MYO5A: variants seen among roughly 807,000 people sequenced by gnomAD.
MYO5A encodes myosin VA.
MYO5A carries 98 observed loss-of-function variants against 249.7 expected under a neutral mutation model. The observed-to-expected ratio is 0.39, with a 90% confidence interval of 0.33 to 0.46. The LOEUF (loss-of-function observed/expected upper bound fraction) is 0.46. Among genes scored for constraint, MYO5A ranks in the 20% least tolerant of loss-of-function variants. The pLI, the probability that MYO5A is intolerant of heterozygous loss-of-function variation, is 0.98. For synonymous variants in MYO5A, 778 were observed against 810.6 expected, an observed-to-expected ratio of 0.96 and a Z score of 0.68; for missense variants, 1,696 against 2,308.8, an observed-to-expected ratio of 0.73 and a Z score of 5.44.
chr15:52,373,170 A>T (rs1299591725), intron 20 of MYO5A, among the ~76,000 whole-genome samples: 1 of 151,182 alleles, frequency 6.6e-6, no homozygotes, highest in East Asian at 1.9e-4. Flanking sequence ...TACATTTCCT[A>T]AAAAAAAATG....
chr15:52,516,395 A>C (rs983531554), intron 1 of MYO5A, among the ~76,000 whole-genome samples: 3 of 152,260 alleles, frequency 2.0e-5, no homozygotes, highest in African/African-American at 7.2e-5. Flanking sequence ...CTTTACAAGA[A>C]AACAAGTAAC....
chr15:52,330,353 C>T lies in MYO5A; in HGVS notation c.4555G>A (p.Glu1519Lys). ...TTTATCCAATGCAGAAAATACTTGC[C>T]CAGAATCAGGTTCTTAACAAGTTTT... Reference protein sequence around the residue: ...EQKLVKNLILELKPRGVAVNL... With the variant: ...EQKLVKNLILKLKPRGVAVNL... The change falls in exon 35 of 42, where the codon GAA becomes AAA. Residue 1519 changes from glutamate (E) to lysine (K), a missense_variant and splice_region_variant. Physicochemically the swap from Glu to Lys is moderately conservative, Grantham distance 56 (BLOSUM62 1). Transcript: ENST00000399233. 1 of 1,613,946 alleles carries T rather than the reference C, an allele frequency of 6.2e-7. No individual in the cohort carries two copies. Among genetic ancestry groups the T allele is most frequent in the Non-Finnish European group, 8.5e-7 (1 of 1,179,944 alleles).
chr15:52,326,008 T>C (rs1295227441), intron 36 of MYO5A, among the ~76,000 whole-genome samples: 1 of 152,212 alleles, frequency 6.6e-6, no homozygotes, highest in African/African-American at 2.4e-5. Context: ...TTTGATTTAT[T>C]AGAAATGATC....
At chr15:52,507,888 T>C (rs1000088166) in intron 1 of MYO5A, among the ~76,000 whole-genome samples, 1 of 151,346 alleles carries the variant, frequency 6.6e-6, no homozygotes, top group African/African-American at 2.4e-5. Flanking sequence ...TTTTTATAAA[T>C]TATTTAAAAT....
intron 1 of MYO5A, chr15:52,435,661 T>C (rs759776960): frequency 1.1e-5 from 5 of 455,508 alleles, no homozygotes; most frequent in African/African-American, 2.0e-5. Flanking sequence ...TCCAAACTAC[T>C]AGATTTCATG....
At chr15:52,445,251 A>G (rs944756232) in intron 1 of MYO5A, among the ~76,000 whole-genome samples, 4 of 152,052 alleles carry the variant, frequency 2.6e-5, no homozygotes, top group African/African-American at 9.7e-5. Flanking sequence ...AATGTGTTGC[A>G]ACCTCCGCCC....
chr15:52,330,194 G>A (rs754119569), intron 35 of MYO5A, among the ~76,000 whole-genome samples, 159 bp downstream of exon 35: 1 of 152,054 alleles, frequency 6.6e-6, no homozygotes, highest in Non-Finnish European at 1.5e-5. Context: ...GACTGAAAGT[G>A]CTTGGTGTGG....
chr15:52,381,584 T>G (rs1269582735), intron 16 of MYO5A, among the ~76,000 whole-genome samples: 1 of 152,178 alleles, frequency 6.6e-6, no homozygotes. Flanking sequence ...TTGGAACAAC[T>G]TAAATGGCCA....
intron 9 of MYO5A, 40 bp from the exon 10 acceptor site, chr15:52,397,506 A>C (rs1423923284): frequency 6.2e-7 from 1 of 1,604,114 alleles, no homozygotes; most frequent in Non-Finnish European, 8.5e-7. Context: ...GACCAGATAA[A>C]TCAAGTAAGA....
At chr15:52,489,615 T>G (rs1223071396) in intron 1 of MYO5A, among the ~76,000 whole-genome samples, 2 of 139,878 alleles carry the variant, frequency 1.4e-5, no homozygotes, top group Non-Finnish European at 3.1e-5. Flanking sequence ...ATCAACAGAG[T>G]GAAAAGGAAA....
At chr15:52,504,733 T>C (rs556008046) in intron 1 of MYO5A, among the ~76,000 whole-genome samples, 4 of 151,728 alleles carry the variant, frequency 2.6e-5, no homozygotes, top group Non-Finnish European at 4.4e-5. Context: ...CTACTAAAAA[T>C]ACAAAAATTA....
chr15:52,405,163 T>C (rs1430813585), intron 9 of MYO5A, 124 bp downstream of exon 9: 3 of 767,640 alleles, frequency 3.9e-6, no homozygotes, highest in Non-Finnish European at 6.8e-6. Context: ...ATAACATATG[T>C]CTTTGATAAT....
At position 52,328,015 on chromosome 15, in the gene MYO5A, G is replaced by A; in HGVS notation, c.4556-9C>T. The A allele has an allele frequency of 1.2e-6, 2 of 1,606,774 alleles. No homozygotes were observed. Among genetic ancestry groups the A allele is most frequent in the South Asian group, 1.1e-5 (1 of 90,276 alleles). ...ACCACGTGGCTTCAGTTCTAAAAAAGAAAAAATAATAATTTTATATAACAT... is the reference window on the plus strand; with the variant it reads ...ACCACGTGGCTTCAGTTCTAAAAAAAAAAAAATAATAATTTTATATAACAT... On this transcript the variant is annotated splice_polypyrimidine_tract_variant and intron_variant, in intron 35 of 41. Coordinates refer to ENST00000399233, the MANE Select transcript of MYO5A (RefSeq NM_001382347.1).
At chr15:52,468,759 T>G (rs1263867565) in intron 1 of MYO5A, among the ~76,000 whole-genome samples, 1 of 152,130 alleles carries the variant, frequency 6.6e-6, no homozygotes, top group Non-Finnish European at 1.5e-5. Context: ...AGGAAGAAAG[T>G]GGACAAACAG....
chr15:52,393,812 G>A (rs2042368327), intron 11 of MYO5A, among the ~76,000 whole-genome samples: 1 of 152,188 alleles, frequency 6.6e-6, no homozygotes, highest in African/African-American at 2.4e-5. Context: ...TTTGATTAAT[G>A]AGAAGGCAAA....
intron 14 of MYO5A, 150 bp downstream of exon 14, chr15:52,387,679 G>C (rs954612681): frequency 6.3e-6 from 4 of 632,898 alleles, no homozygotes; most frequent in African/African-American, 3.7e-5. Flanking sequence ...GACCTGACAT[G>C]CAGCTAAATT....
At chr15:52,522,651 C>CA (rs573083357) in intron 1 of MYO5A, among the ~76,000 whole-genome samples, 3 of 152,050 alleles carry the variant, frequency 2.0e-5, no homozygotes, top group Non-Finnish European at 4.4e-5. Flanking sequence ...CCAATGGAGG[C>CA]AAAATTCATC....
In MYO5A at chr15:52,317,283, AT is replaced by A. The variant is rs1248082655; in HGVS notation, c.5235-62del. The A allele has an allele frequency of 5.2e-6, 8 of 1,545,910 alleles. No homozygotes were observed. The Admixed American group carries it at 8.4e-5, about 16-fold the overall frequency. ...GCTGAATTTTGTCAAAAATGTCTTA[AT>A]TTTTTTGTGTGCGGCCTTGTCAGGA... On this transcript the variant is annotated intron_variant, in intron 39 of 41. Transcript: ENST00000399233.
At chr15:52,497,290 A>C (rs1489948773) in intron 1 of MYO5A, among the ~76,000 whole-genome samples, 1 of 152,118 alleles carries the variant, frequency 6.6e-6, no homozygotes, top group East Asian at 1.9e-4. Flanking sequence ...AGCAGCTGGC[A>C]GCAGATGGAA....
Sources: gnomAD v4.1 joint callset for allele counts (sites outside exome capture counted in the v4.1 genomes callset) on GRCh38, gnomAD v4.1.1 for gene constraint, MANE v1.5 for transcripts, NCBI Gene and HGNC (gene_info 2026-07-23, HGNC 2026-07-21) for gene names.